PEPD: variants seen among roughly 807,000 people sequenced by gnomAD.
PEPD encodes peptidase D, also known as xaa-Pro dipeptidase.
Under a neutral mutation model 60.7 loss-of-function variants are expected in PEPD, and 53 were observed. The ratio of observed to expected loss-of-function variants is 0.87; its 90% CI spans 0.70 to 1.10. The LOEUF is 1.10. PEPD is among the 50% of genes least tolerant of loss of function. The pLI is 0.00. For synonymous variants in PEPD, 267 were observed against 284.1 expected, an observed-to-expected ratio of 0.94 and a Z score of 0.60; for missense variants, 711 against 711.9, an observed-to-expected ratio of 1.00 and a Z score of 0.01.
chr19:33,455,678 AT>A (rs34754945), intron 9 of PEPD, among the ~76,000 whole-genome samples: 17,618 of 134,536 alleles, frequency 0.13, 1,265 homozygotes, highest in East Asian at 0.27. Context: ...AATTAAAAAC[AT>A]TTTTTTTTTT....
intron 1 of PEPD, among the ~76,000 whole-genome samples, chr19:33,513,712 C>T (rs1374145037): frequency 6.6e-6 from 1 of 152,200 alleles, no homozygotes; most frequent in East Asian, 1.9e-4. Flanking sequence ...AGACTTCACT[C>T]CCCAGCCACA....
At position 33,422,790 on chromosome 19, in the gene PEPD, CTCTA is replaced by C. The variant is rs1354626201; in HGVS notation, c.672-9151_672-9148del. Among the ~76,000 whole-genome samples the C allele has an allele frequency of 1.6e-3, 129 of 78,476 alleles. 2 individuals are homozygous for C. The highest frequency in any genetic ancestry group is 6.2e-3 in the Middle Eastern group (1 of 162). 51.5% of individuals were successfully genotyped at this position (78,476 alleles called of 152,430 possible). On this transcript the variant is annotated intron_variant, in intron 9 of 14. Transcript: ENST00000244137. ...TTATCATTGATCCATCCCTCCCTCC[CTCTA>C]TCTATCCATCCATCCATCCTTCTAT...
In PEPD at chr19:33,464,150, C is replaced by T. The variant is rs576892551; in HGVS notation, c.549-88G>A. 4.5e-6 allele frequency: 4 copies of T among 898,634 alleles called. No homozygotes were observed. The African/African-American group carries it at 4.9e-5, about 11-fold the overall frequency. The allele number at this position is 898,634 out of a possible 1,614,324, so 55.7% of individuals were successfully genotyped here. A position where few individuals can be genotyped will look rare whatever the true frequency, so the allele number is the denominator to read the frequency against. ...TCCAGGGAGAGCTCAGGGCCTACCA[C>T]ACCCTGCACAGCCCAGAAGGCGTGT... is the stretch of plus-strand genomic sequence containing the variant. On this transcript the variant is annotated intron_variant, in intron 7 of 14. Coordinates refer to ENST00000244137, the MANE Select transcript of PEPD (RefSeq NM_000285.4).
intron 11 of PEPD, among the ~76,000 whole-genome samples, chr19:33,404,606 T>C (rs1414468210): frequency 2.0e-5 from 3 of 152,118 alleles, no homozygotes; most frequent in South Asian, 4.1e-4. Flanking sequence ...AGAAAGACCA[T>C]GGGATGGTGG....
At chr19:33,439,210 G>A (rs1969437795) in intron 9 of PEPD, among the ~76,000 whole-genome samples, 1 of 152,204 alleles carries the variant, frequency 6.6e-6, no homozygotes, top group Non-Finnish European at 1.5e-5. Context: ...CCCATAACCT[G>A]GGCACATCTC....
chr19:33,392,591 C>T (rs972199509), intron 12 of PEPD, among the ~76,000 whole-genome samples: 6 of 152,306 alleles, frequency 3.9e-5, no homozygotes, highest in East Asian at 1.9e-4. Context: ...CTGGAGAGGG[C>T]GCCCAGCAAG....
At chr19:33,447,657 C>A (rs1174079119) in intron 9 of PEPD, among the ~76,000 whole-genome samples, 1 of 152,212 alleles carries the variant, frequency 6.6e-6, no homozygotes, top group Non-Finnish European at 1.5e-5. Flanking sequence ...GAGGGAGCTG[C>A]GAGAGGACGG....
At chr19:33,420,795 G>T (rs573319322) in intron 9 of PEPD, among the ~76,000 whole-genome samples, 2 of 151,832 alleles carry the variant, frequency 1.3e-5, no homozygotes, top group South Asian at 4.2e-4. Context: ...ATACAGAAAA[G>T]AACTCAAATC....
At chr19:33,506,893 A>C (rs1970824440) in intron 3 of PEPD, among the ~76,000 whole-genome samples, 1 of 147,218 alleles carries the variant, frequency 6.8e-6, no homozygotes, top group Non-Finnish European at 1.5e-5. Context: ...CATCACAAAC[A>C]CCCTACACAC....
At chr19:33,495,976 A>T (rs1970595199) in intron 4 of PEPD, among the ~76,000 whole-genome samples, 1 of 150,958 alleles carries the variant, frequency 6.6e-6, no homozygotes, top group African/African-American at 2.4e-5. Flanking sequence ...AATGCAACTC[A>T]GTATCAAAAA....
intron 6 of PEPD, among the ~76,000 whole-genome samples, chr19:33,484,722 A>C: frequency 6.6e-6 from 1 of 152,208 alleles, no homozygotes; most frequent in Non-Finnish European, 1.5e-5. Context: ...ACACACATAC[A>C]GGTAAACACA....
chr19:33,465,786 C>T (rs76695975), intron 7 of PEPD, among the ~76,000 whole-genome samples: 1,824 of 152,210 alleles, frequency 0.012, 39 homozygotes, highest in African/African-American at 0.041. Flanking sequence ...CACTCTGTTA[C>T]ACTCACCCCC....
At chr19:33,397,867 CA>C (rs1968403309) in intron 12 of PEPD, among the ~76,000 whole-genome samples, 1 of 152,218 alleles carries the variant, frequency 6.6e-6, no homozygotes, top group Non-Finnish European at 1.5e-5. Flanking sequence ...AGGCCTTTCT[CA>C]GTGCCACATG....
At chr19:33,440,390 CA>C (rs1463304894) in intron 9 of PEPD, among the ~76,000 whole-genome samples, 3 of 152,148 alleles carry the variant, frequency 2.0e-5, no homozygotes, top group African/African-American at 7.2e-5. Flanking sequence ...ACTCCAACCC[CA>C]GGGCTACAGG....
At chr19:33,493,182 C>T (rs764897611) in intron 5 of PEPD, 108 bp downstream of exon 5, 4 of 808,762 alleles carry the variant, frequency 4.9e-6, no homozygotes, top group Middle Eastern at 2.2e-4. Context: ...AACCCCTCTC[C>T]GTTTTTTAAT....
chr19:33,478,858 GT>G (rs1437672442), intron 6 of PEPD, among the ~76,000 whole-genome samples: 1 of 152,186 alleles, frequency 6.6e-6, no homozygotes, highest in Non-Finnish European at 1.5e-5. Flanking sequence ...GTACTGCAGA[GT>G]AACCTGAATC....
chr19:33,486,680 C>G (rs1172188873), intron 6 of PEPD, among the ~76,000 whole-genome samples: 1 of 152,170 alleles, frequency 6.6e-6, no homozygotes, highest in Non-Finnish European at 1.5e-5. Flanking sequence ...GGAGGGAGGT[C>G]TGAGACCAAG....
chr19:33,496,242 A>G (rs1970600745), intron 4 of PEPD, among the ~76,000 whole-genome samples: 1 of 152,056 alleles, frequency 6.6e-6, no homozygotes, highest in African/African-American at 2.4e-5. Flanking sequence ...CAGGATAACA[A>G]ATGTGTGGGC....
At chr19:33,423,317 G>T (rs552131411) in intron 9 of PEPD, among the ~76,000 whole-genome samples, 31 of 152,374 alleles carry the variant, frequency 2.0e-4, no homozygotes, top group African/African-American at 7.5e-4. Flanking sequence ...ACTTCCTGCT[G>T]TTAGAGATGG....
Sources: allele counts gnomAD v4.1 joint callset (sites outside exome capture counted in the v4.1 genomes callset), GRCh38; gene constraint gnomAD v4.1.1; transcripts MANE v1.5; gene names NCBI Gene and HGNC (gene_info 2026-07-23, HGNC 2026-07-21).